Variants in ADAM33 observed in about 807,000 individuals in gnomAD.
ADAM33 encodes ADAM metallopeptidase domain 33, also known as disintegrin and metalloproteinase domain-containing protein 33.
In ADAM33, 103 loss-of-function variants were observed where a neutral mutation model predicts 106.2. The ratio of observed to expected loss-of-function variants is 0.97; its 90% CI spans 0.83 to 1.14. ADAM33 has a LOEUF of 1.14. ADAM33 is among the 50% of genes most tolerant of loss of function. ADAM33 has a pLI of 0.00. For synonymous variants in ADAM33, 483 were observed against 453.0 expected, an observed-to-expected ratio of 1.07 and a Z score of -0.84; for missense variants, 1,120 against 1,096.6, an observed-to-expected ratio of 1.02 and a Z score of -0.30.
Position 3,674,211 on chromosome 20 carries a change from C to G in ADAM33, c.666+8G>C, listed in dbSNP as rs748751537. On this transcript the variant is annotated splice_region_variant and intron_variant, in intron 7 of 21. Transcript: ENST00000356518. Reference sequence around the variant, plus strand: ...CTGACCCCGCCAACCCCTGGGGTCTCTCCTCACCAGGGTGTGGTCTGCCAC... The same window carrying G: ...CTGACCCCGCCAACCCCTGGGGTCTGTCCTCACCAGGGTGTGGTCTGCCAC... 6 of 1,614,126 alleles carry G rather than the reference C, an allele frequency of 3.7e-6. No homozygotes were observed. Among genetic ancestry groups the G allele is most frequent in the Non-Finnish European group, 5.1e-6 (6 of 1,180,038 alleles).
intron 20 of ADAM33, 50 bp from the exon 21 acceptor site, chr20:3,669,420 C>T: frequency 6.4e-7 from 1 of 1,568,368 alleles, no homozygotes; most frequent in Non-Finnish European, 8.6e-7. Flanking sequence ...CAGCAGGAGC[C>T]CCTGGGGCTG....
At chr20:3,679,638 G>A in intron 1 of ADAM33, 67 bp from the exon 2 acceptor site, 1 of 1,435,342 alleles carries the variant, frequency 7.0e-7, no homozygotes, top group Non-Finnish European at 9.6e-7. Flanking sequence ...ACAAAGCAGA[G>A]GGAGGGGGGT....
intron 2 of ADAM33, among the ~76,000 whole-genome samples, chr20:3,679,206 T>TGGTGGG (rs2088241670): frequency 1.0e-5 from 1 of 98,632 alleles, no homozygotes; most frequent in Non-Finnish European, 2.0e-5. Context: ...CATTTCTGCC[T>TGGTGGG]GGTGGGGGTG....
At chr20:3,674,005 G>GCAC (rs1237992752) in intron 8 of ADAM33, 59 bp downstream of exon 8, 1 of 1,611,080 alleles carries the variant, frequency 6.2e-7, no homozygotes, top group Non-Finnish European at 8.5e-7. Flanking sequence ...AACCCCACCA[G>GCAC]CACCTGCCTG....
chr20:3,668,637 G>C lies in ADAM33; in HGVS notation c.*326C>G, dbSNP rs2146348319. On this transcript the variant is annotated 3_prime_UTR_variant, in exon 22 of 22. Coordinates refer to ENST00000356518, the MANE Select transcript of ADAM33 (RefSeq NM_025220.5). ...ATGTAGGAGACACACCAGACTCCCAGGACAGAGCCCTTTTGGGATGGCCAG... is the reference window on the plus strand; with the variant it reads ...ATGTAGGAGACACACCAGACTCCCACGACAGAGCCCTTTTGGGATGGCCAG... 1 of 408,508 alleles carries C rather than the reference G, an allele frequency of 2.4e-6. No homozygotes were observed. Among genetic ancestry groups the C allele is most frequent in the South Asian group, 2.5e-5 (1 of 40,072 alleles). The allele number at this position is 408,508 out of a possible 1,614,324, so 25.3% of individuals were successfully genotyped here. A position where few individuals can be genotyped will look rare whatever the true frequency, so the allele number is the denominator to read the frequency against.
In ADAM33 at chr20:3,673,478, T is replaced by TG; in HGVS notation, c.1008dup (p.Ile337HisfsTer10). On this transcript the variant is annotated frameshift_variant, in exon 11 of 22. Transcript: ENST00000356518. LOFTEE classifies it high-confidence loss of function. The stretch of plus-strand genomic sequence containing the variant: ...TGGGCCATGGTGGCTGCGGCGCCGA[T>TG]GGGGAGCTCCGAGTGGTCCTGGGGG... 1 of 1,535,926 alleles carries TG rather than the reference T, an allele frequency of 6.5e-7. No individual in the cohort carries two copies. Among genetic ancestry groups the TG allele is most frequent in the South Asian group, 1.3e-5 (1 of 79,100 alleles).
chr20:3,677,247 G>T, intron 2 of ADAM33, 104 bp from the exon 3 acceptor site: 1 of 999,414 alleles, frequency 1.0e-6, no homozygotes, highest in Non-Finnish European at 1.4e-6. Flanking sequence ...TTCTTGGGGA[G>T]AACGTGGGCT....
rs751331744 is a variant in ADAM33 at position 3,674,074 on chromosome 20, T to A, written c.728A>T (p.Tyr243Phe). 1 of 1,613,960 alleles carries A rather than the reference T, an allele frequency of 6.2e-7. No homozygotes were observed. Among genetic ancestry groups the A allele is most frequent in the Non-Finnish European group, 8.5e-7 (1 of 1,179,956 alleles). Residue 243 changes from tyrosine (Y) to phenylalanine (F), a missense_variant, in exon 8 of 22, where the codon TAC (tyrosine) becomes TTC (phenylalanine). Physicochemically the swap from Tyr to Phe is conservative, Grantham distance 22. Coordinates refer to ENST00000356518, the MANE Select transcript of ADAM33 (RefSeq NM_025220.5). Reference sequence around the variant, plus strand: ...CCCGCCGCCCCCAACCTGGTCCACGTAGTTGGCGACTTCCAGGAGACGCTG... The same window carrying A: ...CCCGCCGCCCCCAACCTGGTCCACGAAGTTGGCGACTTCCAGGAGACGCTG... ...TKQRLLEVAN[Y>F]VDQLLRTLDI...
intron 1 of ADAM33, among the ~76,000 whole-genome samples, chr20:3,681,187 GA>G (rs1484274390): frequency 6.6e-6 from 1 of 152,202 alleles, no homozygotes; most frequent in Non-Finnish European, 1.5e-5. Flanking sequence ...TGCTGTGCAG[GA>G]CTGGCTAATC....
Position 3,671,642 on chromosome 20 carries a change from G to C in ADAM33, c.1844C>G (p.Ala615Gly). The stretch of plus-strand genomic sequence containing the variant: ...GCCCAGGCCAAGCAGGTCCAGCTGG[G>C]CACTGGGGAGTGCCAAGGCTCCCCG... Reference protein sequence around the residue: ...TCRGALALPSAQLDLLGLGLV... With the variant: ...TCRGALALPSGQLDLLGLGLV... Residue 615 changes from alanine to glycine, a missense_variant, in exon 16 of 22, where the codon GCC (alanine) becomes GGC (glycine). By Grantham distance (60) the Ala-to-Gly change is moderately conservative. Coordinates refer to ENST00000356518, the MANE Select transcript of ADAM33 (RefSeq NM_025220.5). 1 of 1,578,796 alleles carries C rather than the reference G, an allele frequency of 6.3e-7. No homozygotes were observed. Among genetic ancestry groups the C allele is most frequent in the Admixed American group, 1.8e-5 (1 of 54,634 alleles).
Position 3,675,004 on chromosome 20 carries a change from C to G in ADAM33, c.333+23G>C, listed in dbSNP as rs776252356. ...GGGGGGTACCTCTGGCGGTGCATCCCAGAGCCCATGGAAGCATCTCACCGT... is the reference window on the plus strand; with the variant it reads ...GGGGGGTACCTCTGGCGGTGCATCCGAGAGCCCATGGAAGCATCTCACCGT... On this transcript the variant is annotated intron_variant, in intron 4 of 21. Coordinates refer to ENST00000356518, the MANE Select transcript of ADAM33 (RefSeq NM_025220.5). The surrounding 1 kb of genome is among the most constrained non-coding windows in gnomAD (Gnocchi z 4.1). The G allele has an allele frequency of 6.2e-7, 1 of 1,613,312 alleles. No homozygotes were observed. Among genetic ancestry groups the G allele is most frequent in the Non-Finnish European group, 8.5e-7 (1 of 1,179,880 alleles).
At chr20:3,673,071 T>G (rs1232890923) in intron 11 of ADAM33, 173 bp from the exon 12 acceptor site, 3 of 1,444,674 alleles carry the variant, frequency 2.1e-6, no homozygotes, top group African/African-American at 2.9e-5. Flanking sequence ...GCGGCCCCAA[T>G]AGTGAGCAGC....
rs2146399730 is a variant in ADAM33, at chr20:3,673,872, G to C, written c.778C>G (p.Leu260Val). 6.4e-7 allele frequency: 1 copy of C among 1,565,982 alleles called. No homozygotes were observed. The change falls in exon 9 of 22, where the codon CTG becomes GTG. Residue 260 changes from leucine (L) to valine (V), a missense_variant. Transcript: ENST00000356518. ...CGGTCCCGCTCGGTCCACACCTCCAGGCCGGTCAGCGCCACCTGAATGTCC... is the reference window on the plus strand; with the variant it reads ...CGGTCCCGCTCGGTCCACACCTCCACGCCGGTCAGCGCCACCTGAATGTCC... ...TLDIQVALTG[L>V]EVWTERDRSR...
chr20:3,673,070 A>G (rs1410790560), intron 11 of ADAM33, 172 bp from the exon 12 acceptor site: 8 of 1,444,868 alleles, frequency 5.5e-6, no homozygotes, highest in African/African-American at 4.3e-5. Context: ...TGCGGCCCCA[A>G]TAGTGAGCAG....
At position 3,669,238 on chromosome 20, in the gene ADAM33, T is replaced by C. The variant is rs41351548; in HGVS notation, c.2404+61A>G. 2.6e-3 allele frequency: 2,728 copies of C among 1,054,586 alleles called. 51 individuals are homozygous for C. The African/African-American group carries it at 0.045, about 17-fold the overall frequency. 65.3% of individuals were successfully genotyped at this position (1,054,586 alleles called of 1,614,324 possible). ...GATTAGGGGGCAGCAAACTGAGGGGTGGGAGAGGTGGGAGGGTGGGCGATG... is the reference window on the plus strand; with the variant it reads ...GATTAGGGGGCAGCAAACTGAGGGGCGGGAGAGGTGGGAGGGTGGGCGATG... On this transcript the variant is annotated intron_variant, in intron 21 of 21. Coordinates refer to ENST00000356518, the MANE Select transcript of ADAM33 (RefSeq NM_025220.5).
In ADAM33 at chr20:3,671,549, C is replaced by T. The variant is rs765750572; in HGVS notation, c.1905+32G>A. ...GGGACACTGGCCTGCGGGATTCAAA[C>T]GGCAAGGAGGGGTCGGGTGGGCAGA... On this transcript the variant is annotated intron_variant, in intron 16 of 21. Transcript: ENST00000356518. 1.7e-5 allele frequency: 28 copies of T among 1,610,068 alleles called. No individual in the cohort carries two copies. In the East Asian group the frequency reaches 2.7e-4, roughly 15 times the overall value.
intron 19 of ADAM33, chr20:3,670,501 C>G: frequency 6.1e-6 from 1 of 163,372 alleles, no homozygotes; most frequent in East Asian, 1.7e-4. Flanking sequence ...GGCCCTGGCA[C>G]AGGGGCAGCC....
Position 3,671,723 on chromosome 20 carries a change from G to A in ADAM33, c.1763C>T (p.Pro588Leu), listed in dbSNP as rs774772975. Residue 588 changes from proline to leucine, a missense_variant, in exon 16 of 22, where the codon CCG (proline) becomes CTG (leucine). Transcript: ENST00000356518. ...GGTAGAGTCCACTGGCACCATGTGCGGTGCGAGCAGGCTGGGCTTTCCACC... is the reference window on the plus strand; with the variant it reads ...GGTAGAGTCCACTGGCACCATGTGCAGTGCGAGCAGGCTGGGCTTTCCACC... ...CQGGKPSLLAPHMVPVDSTVH... is the reference protein window; with the variant it reads ...CQGGKPSLLALHMVPVDSTVH... 75 of 1,584,804 alleles carry A rather than the reference G, an allele frequency of 4.7e-5. 1 individual carries two copies. The highest frequency in any genetic ancestry group is 1.2e-4 in the Admixed American group (7 of 56,422).
At chr20:3,674,998 G>C in intron 4 of ADAM33, 29 bp downstream of exon 4, 1 of 1,613,062 alleles carries the variant, frequency 6.2e-7, no homozygotes. Flanking sequence ...CTCTGGCGGT[G>C]CATCCCAGAG....
Sources: gnomAD v4.1 joint callset for allele counts (sites outside exome capture counted in the v4.1 genomes callset) on GRCh38, gnomAD v4.1.1 for gene constraint, Gnocchi (gnomAD v3.1) non-coding constraint, MANE v1.5 for transcripts, NCBI Gene and HGNC (gene_info 2026-07-23, HGNC 2026-07-21) for gene names.